GNAL: variants seen among roughly 807,000 people sequenced by gnomAD.
GNAL encodes G protein subunit alpha L, also known as guanine nucleotide-binding protein G(olf) subunit alpha.
GNAL carries 18 observed loss-of-function variants against 55.1 expected under a neutral mutation model. That is an observed-to-expected ratio of 0.33 (90% confidence interval 0.23 to 0.48). The LOEUF (loss-of-function observed/expected upper bound fraction) is 0.48. Ranked by LOEUF, GNAL falls within the 20% of genes least tolerant of loss-of-function variation. The probability of loss-of-function intolerance (pLI) is 0.99; values close to 1 mark genes in which losing one functional copy is unlikely to be tolerated. For missense variants in GNAL, 412 were observed against 614.1 expected, an observed-to-expected ratio of 0.67 and a Z score of 3.48; for synonymous variants, 253 against 237.0, an observed-to-expected ratio of 1.07 and a Z score of -0.62.
chr18:11,752,726 C>G lies in GNAL; in HGVS notation c.377-127C>G. On this transcript the variant is annotated intron_variant, in intron 1 of 11. Coordinates refer to ENST00000334049, the MANE Select transcript of GNAL (RefSeq NM_182978.4). The surrounding 1 kb of genome is among the most constrained non-coding windows in gnomAD (Gnocchi z 4.5). ...CAGACGGCGGCCGGGGCGAGCTCCT[C>G]CAGCCAGGAACCCGCGTGTAGGAAA... The G allele has an allele frequency of 8.5e-7, 1 of 1,175,390 alleles. No homozygotes were observed. Among genetic ancestry groups the G allele is most frequent in the Non-Finnish European group, 1.2e-6 (1 of 822,616 alleles). 72.8% of individuals were successfully genotyped at this position (1,175,390 alleles called of 1,614,324 possible).
At chr18:11,869,028 AC>A (rs2036329833) in intron 9 of GNAL, among the ~76,000 whole-genome samples, 1 of 150,574 alleles carries the variant, frequency 6.6e-6, no homozygotes, top group Non-Finnish European at 1.5e-5. Context: ...ACATACCTAC[AC>A]CCACACCCAC....
At chr18:11,816,093 C>G (rs961150620) in intron 4 of GNAL, among the ~76,000 whole-genome samples, 1 of 152,098 alleles carries the variant, frequency 6.6e-6, no homozygotes, top group East Asian at 1.9e-4. Context: ...CGTTCACTTA[C>G]CATAAAACCC....
intron 1 of GNAL, among the ~76,000 whole-genome samples, chr18:11,696,012 G>A (rs1330750276): frequency 6.6e-6 from 1 of 152,120 alleles, no homozygotes; most frequent in Non-Finnish European, 1.5e-5. Flanking sequence ...TTTTTCCCAA[G>A]TAAATGTCTT....
Position 11,752,968 on chromosome 18 carries a change from T to C in GNAL, c.449+43T>C. 1 of 1,200,446 alleles carries C rather than the reference T, an allele frequency of 8.3e-7. No homozygotes were observed. The highest frequency in any genetic ancestry group is 1.2e-6 in the Non-Finnish European group (1 of 808,268). The allele number at this position is 1,200,446 out of a possible 1,614,324, so 74.4% of individuals were successfully genotyped here. The stretch of plus-strand genomic sequence containing the variant: ...GCTTCCAAACTGCATGCAAACTTCG[T>C]CTCTCTCCCAGACGTCCCAAAAGTG... On this transcript the variant is annotated intron_variant, in intron 2 of 11. Coordinates refer to ENST00000334049, the MANE Select transcript of GNAL (RefSeq NM_182978.4). This position sits in a 1 kb window ranked among gnomAD's most constrained non-coding sequence, Gnocchi z 4.5.
chr18:11,862,147 G>T (rs1235414155), intron 5 of GNAL, among the ~76,000 whole-genome samples: 1 of 151,940 alleles, frequency 6.6e-6, no homozygotes, highest in Non-Finnish European at 1.5e-5. Context: ...TGTGGCAGTG[G>T]AGAAGAGAGG....
chr18:11,765,440 G>A (rs1227217468), intron 4 of GNAL, among the ~76,000 whole-genome samples: 1 of 152,134 alleles, frequency 6.6e-6, no homozygotes, highest in African/African-American at 2.4e-5. Context: ...CAGTCCTCTA[G>A]GTATTTTGAA....
intron 9 of GNAL, among the ~76,000 whole-genome samples, chr18:11,869,534 C>G (rs964364410): frequency 2.0e-5 from 3 of 152,204 alleles, no homozygotes; most frequent in Admixed American, 2.0e-4. Flanking sequence ...ATTCGGCCTT[C>G]CATATCTTCA....
chr18:11,815,140 G>C (rs1021739976), intron 4 of GNAL, among the ~76,000 whole-genome samples: 1 of 152,100 alleles, frequency 6.6e-6, no homozygotes, highest in South Asian at 2.1e-4. Context: ...TATCACCCCA[G>C]AGAAATGATA....
chr18:11,787,495 C>T (rs763222121), intron 4 of GNAL, among the ~76,000 whole-genome samples: 1 of 152,178 alleles, frequency 6.6e-6, no homozygotes, highest in Non-Finnish European at 1.5e-5. Context: ...AGATACAGAA[C>T]ATTTCAAGTG....
intron 5 of GNAL, chr18:11,852,533 T>C (rs1300505807): frequency 5.1e-6 from 1 of 194,412 alleles, no homozygotes. Context: ...ATTACTTAGT[T>C]TGGTTATACA....
chr18:11,866,004 A>G (rs1032598108), intron 7 of GNAL, among the ~76,000 whole-genome samples: 3 of 149,500 alleles, frequency 2.0e-5, no homozygotes, highest in Admixed American at 2.0e-4. Flanking sequence ...TCCTCAGTGC[A>G]CAGGTGACAG....
At chr18:11,779,606 T>C (rs540297939) in intron 4 of GNAL, among the ~76,000 whole-genome samples, 25 of 152,264 alleles carry the variant, frequency 1.6e-4, no homozygotes, top group African/African-American at 5.3e-4. Context: ...GATCTAATAG[T>C]CCCTCAGTTC....
rs186820809 is a variant in GNAL, at chr18:11,828,612, G to A, written c.722+3597G>A. ...TATTTATTGGACAAAGACTGGCCTT[G>A]GAGAACACCACAGTTCTGCTCAATG... On this transcript the variant is annotated intron_variant, in intron 5 of 11. Coordinates refer to ENST00000334049, the MANE Select transcript of GNAL (RefSeq NM_182978.4). Among the ~76,000 whole-genome samples the A allele has an allele frequency of 1.1e-3, 165 of 151,954 alleles. 1 individual carries two copies. The highest frequency in any genetic ancestry group is 1.6e-3 in the Non-Finnish European group (109 of 67,988).
rs1010402395 is a variant in GNAL at position 11,868,323 on chromosome 18, A to G, written c.911-220A>G. Among the ~76,000 whole-genome samples, 11 of 151,892 alleles carry G rather than the reference A, an allele frequency of 7.2e-5. No individual in the cohort carries two copies. The highest frequency in any genetic ancestry group is 2.4e-4 in the African/African-American group (10 of 41,378). ...CTCAAAAAAAAAAAAGCACTTAAGC[A>G]TCCCAAATTTACATGTGTCTTTTGG... On this transcript the variant is annotated intron_variant, in intron 8 of 11. Coordinates refer to ENST00000334049, the MANE Select transcript of GNAL (RefSeq NM_182978.4). The surrounding 1 kb of genome is among the most constrained non-coding windows in gnomAD (Gnocchi z 4.0).
At chr18:11,690,048 G>A (rs900232300) in intron 1 of GNAL, 109 bp downstream of exon 1, 3 of 540,816 alleles carry the variant, frequency 5.5e-6, no homozygotes, top group Middle Eastern at 6.2e-4. Context: ...GGCGGCGGGA[G>A]GGGCTCCTGA....
At position 11,698,922 on chromosome 18, in the gene GNAL, CAGTTG is replaced by C. The variant is rs150483210; in HGVS notation, c.376+8991_376+8995del. Among the ~76,000 whole-genome samples the C allele has an allele frequency of 6.4e-3, 972 of 151,180 alleles. 13 individuals are homozygous for C. The highest frequency in any genetic ancestry group is 0.023 in the African/African-American group (935 of 40,570). On this transcript the variant is annotated intron_variant, in intron 1 of 11. Coordinates refer to ENST00000334049, the MANE Select transcript of GNAL (RefSeq NM_182978.4). ...ATTCTTTAATGGCAAGCAGGTTTTT[CAGTTG>C]AGTTGAGACCAAGAGACCTAGCTAA...
At chr18:11,788,122 T>C (rs1421459192) in intron 4 of GNAL, among the ~76,000 whole-genome samples, 1 of 152,166 alleles carries the variant, frequency 6.6e-6, no homozygotes, top group African/African-American at 2.4e-5. Context: ...TGAGAATTTC[T>C]CCTCAGCTGT....
chr18:11,699,702 G>A (rs1031287464), intron 1 of GNAL, among the ~76,000 whole-genome samples: 1 of 152,112 alleles, frequency 6.6e-6, no homozygotes, highest in Non-Finnish European at 1.5e-5. Context: ...CCCTCGCTAG[G>A]GATGGACAGA....
intron 4 of GNAL, among the ~76,000 whole-genome samples, chr18:11,787,020 G>A (rs1213284298): frequency 6.6e-6 from 1 of 151,976 alleles, no homozygotes; most frequent in Admixed American, 6.6e-5. Context: ...TAGGAGGATC[G>A]CTTGAGGCCA....
Sources: gnomAD v4.1 joint callset for allele counts (sites outside exome capture counted in the v4.1 genomes callset) on GRCh38, gnomAD v4.1.1 for gene constraint, Gnocchi (gnomAD v3.1) non-coding constraint, MANE v1.5 for transcripts, NCBI Gene and HGNC (gene_info 2026-07-23, HGNC 2026-07-21) for gene names.